The following MTCL2 variants were observed in gnomAD, a reference collection of about 807,000 sequenced individuals.
MTCL2 encodes the protein microtubule cross-linking factor 2.
chr20:36,796,102 CTT>C, the MTCL2 span, among the ~76,000 whole-genome samples: 1 of 152,220 alleles, frequency 6.6e-6, no homozygotes, highest in Non-Finnish European at 1.5e-5. Context: ...GCACTTAAAT[CTT>C]TGTCTCAGGG....
chr20:36,778,550 C>T, the MTCL2 span: 11 of 152,576 alleles, frequency 7.2e-5, no homozygotes, highest in African/African-American at 2.7e-4. Context: ...CTGGGCAGCA[C>T]TAAGGAGCTG....
the MTCL2 span, among the ~76,000 whole-genome samples, chr20:36,862,462 G>C: frequency 6.6e-6 from 1 of 152,168 alleles, no homozygotes; most frequent in African/African-American, 2.4e-5. Context: ...TTTCAGGAGC[G>C]CGCTTCCCAA....
At chr20:36,853,343 G>C in the MTCL2 span, among the ~76,000 whole-genome samples, 2 of 152,314 alleles carry the variant, frequency 1.3e-5, no homozygotes, top group East Asian at 3.9e-4. Flanking sequence ...GAACCTCACA[G>C]AGGTCAAGTA....
the MTCL2 span, among the ~76,000 whole-genome samples, chr20:36,787,109 T>G: frequency 6.6e-6 from 1 of 152,046 alleles, no homozygotes; most frequent in Non-Finnish European, 1.5e-5. Flanking sequence ...TTAGCACCTT[T>G]GGGTGCTCAT....
At chr20:36,803,200 G>C in the MTCL2 span, 1 of 1,473,362 alleles carries the variant, frequency 6.8e-7, no homozygotes, top group Non-Finnish European at 9.0e-7. Context: ...GCGGGGAAAA[G>C]GGGAGAGGTC....
the MTCL2 span, among the ~76,000 whole-genome samples, chr20:36,813,313 TAAAAAA>T: frequency 5.5e-4 from 23 of 41,900 alleles, no homozygotes; most frequent in Non-Finnish European, 5.2e-4. Context: ...ACTGTTTCTT[TAAAAAA>T]AAAAAAAAAA....
At chr20:36,840,420 G>A in the MTCL2 span, among the ~76,000 whole-genome samples, 4 of 151,266 alleles carry the variant, frequency 2.6e-5, no homozygotes, top group South Asian at 2.1e-4. Context: ...AGCCTGCCTC[G>A]GCCTCCCAAA....
At chr20:36,845,965 G>A in the MTCL2 span, among the ~76,000 whole-genome samples, 10 of 152,272 alleles carry the variant, frequency 6.6e-5, no homozygotes, top group Admixed American at 1.3e-4. Context: ...TGGGGAGGGA[G>A]AGGCCCAGCT....
chr20:36,845,647 C>T, the MTCL2 span, among the ~76,000 whole-genome samples: 3 of 152,148 alleles, frequency 2.0e-5, no homozygotes, highest in East Asian at 5.8e-4. Flanking sequence ...CTGGGCTTTC[C>T]GGGCCCGAGG....
chr20:36,805,827 G>A, the MTCL2 span: 1 of 1,571,078 alleles, frequency 6.4e-7, no homozygotes, highest in African/African-American at 1.4e-5. Context: ...GGACACAACA[G>A]GACCGGGAAG....
the MTCL2 span, among the ~76,000 whole-genome samples, chr20:36,840,369 C>T: frequency 4.0e-5 from 6 of 151,244 alleles, no homozygotes; most frequent in Non-Finnish European, 5.9e-5. Context: ...GGGGTTTCAC[C>T]GTGTTAGCCA....
chr20:36,796,498 C>T, the MTCL2 span, among the ~76,000 whole-genome samples: 9 of 152,154 alleles, frequency 5.9e-5, no homozygotes, highest in African/African-American at 1.7e-4. Context: ...AGGGCTGGGC[C>T]CAAAGGATGC....
chr20:36,839,543 TG>T, the MTCL2 span: 1 of 1,022,670 alleles, frequency 9.8e-7, no homozygotes, highest in Non-Finnish European at 1.4e-6. The surrounding 1 kb of genome is among the most constrained non-coding windows in gnomAD (Gnocchi z 5.1). Context: ...GTGGGGGACC[TG>T]GATGTGGCAG....
chr20:36,855,836 C>T, the MTCL2 span, among the ~76,000 whole-genome samples: 6 of 152,280 alleles, frequency 3.9e-5, no homozygotes, highest in African/African-American at 1.2e-4. Flanking sequence ...AGCATGCACA[C>T]GGAGGAGGTG....
chr20:36,804,550 C>T, the MTCL2 span, among the ~76,000 whole-genome samples: 1 of 152,190 alleles, frequency 6.6e-6, no homozygotes, highest in Admixed American at 6.5e-5. Context: ...ACTCCCATTC[C>T]CCACCGTTTC....
chr20:36,786,266 C>A, the MTCL2 span: 4 of 1,240,848 alleles, frequency 3.2e-6, no homozygotes, highest in Non-Finnish European at 4.1e-6. Flanking sequence ...CACTCACTGC[C>A]TTCCCCTGGG....
At chr20:36,835,325 G>T in the MTCL2 span, among the ~76,000 whole-genome samples, 14 of 152,112 alleles carry the variant, frequency 9.2e-5, no homozygotes, top group Non-Finnish European at 1.9e-4. Flanking sequence ...GGGCACTGAG[G>T]CCTGTGGTTT....
At chr20:36,837,648 G>A in the MTCL2 span, among the ~76,000 whole-genome samples, 11 of 151,014 alleles carry the variant, frequency 7.3e-5, no homozygotes, top group Admixed American at 2.6e-4. Context: ...CGCGATCTCA[G>A]CTCACTGCAA....
the MTCL2 span, among the ~76,000 whole-genome samples, chr20:36,858,127 C>G: frequency 6.6e-6 from 1 of 152,100 alleles, no homozygotes; most frequent in African/African-American, 2.4e-5. Context: ...GGTCACACTG[C>G]AGAAAGAACA....
Sources: gnomAD v4.1 joint callset for allele counts (sites outside exome capture counted in the v4.1 genomes callset) on GRCh38, gnomAD v4.1.1 for gene constraint, Gnocchi (gnomAD v3.1) non-coding constraint, MANE v1.5 for transcripts, NCBI Gene and HGNC (gene_info 2026-07-23, HGNC 2026-07-21) for gene names.